The following LRRC51 variants were observed in gnomAD, a reference collection of about 807,000 sequenced individuals.
LRRC51 encodes leucine rich repeat containing 51, also known as leucine-rich repeat-containing protein 51.
Under a neutral mutation model 17.8 loss-of-function variants are expected in LRRC51, and 8 were observed. The observed-to-expected ratio is 0.45, with a 90% CI of 0.26 to 0.81. LRRC51 has a LOEUF of 0.81. Ranked by LOEUF, LRRC51 falls within the 30% of genes least tolerant of loss-of-function variation. LRRC51 has a pLI of 0.17. For missense variants in LRRC51, 233 were observed against 239.3 expected, an observed-to-expected ratio of 0.97 and a Z score of 0.17; for synonymous variants, 92 against 96.0, an observed-to-expected ratio of 0.96 and a Z score of 0.24.
chr11:72,096,526 T>G lies in LRRC51; in HGVS notation c.*1006T>G, dbSNP rs1945219329. ...GTGCTAGGATTACAGGATAAGCCAC[T>G]GCACCTGGCCAGCTCTAGTCTTATT... On this transcript the variant is annotated 3_prime_UTR_variant, in exon 6 of 6. Coordinates refer to ENST00000289488, the MANE Select transcript of LRRC51 (RefSeq NM_145309.6). The G allele has an allele frequency of 1.5e-6, 2 of 1,303,272 alleles. No homozygotes were observed. Among genetic ancestry groups the G allele is most frequent in the African/African-American group, 3.1e-5 (2 of 65,526 alleles). 80.7% of individuals were successfully genotyped at this position (1,303,272 alleles called of 1,614,324 possible). A position where few individuals can be genotyped will look rare whatever the true frequency, so the allele number is the denominator to read the frequency against.
rs1157531896 is a variant in LRRC51, at chr11:72,096,728, C to T, written c.*1208C>T. 6.5e-7 allele frequency: 1 copy of T among 1,545,828 alleles called. No individual in the cohort carries two copies. Among genetic ancestry groups the T allele is most frequent in the Non-Finnish European group, 8.7e-7 (1 of 1,143,586 alleles). On this transcript the variant is annotated 3_prime_UTR_variant, in exon 6 of 6. Coordinates refer to ENST00000289488, the MANE Select transcript of LRRC51 (RefSeq NM_145309.6). ...AATTTCCAAACTCTTCACAGAGTAC[C>T]AGGGTCTGTAGAGATGCCTCACAGG...
At chr11:72,089,493 AAGTGGAAGAAAACTGGGAAGCC>A (rs1358227271) in intron 3 of LRRC51, 2 of 1,275,144 alleles carry the variant, frequency 1.6e-6, no homozygotes, top group Non-Finnish European at 1.0e-6. Flanking sequence ...CAGGAAAGTC[AAGTGGAAGAAAACTGGGAAGCC>A]AGTCTATCAG....
At chr11:72,088,544 G>T (rs146731619) in intron 2 of LRRC51, 164 bp downstream of exon 2, 1 of 634,140 alleles carries the variant, frequency 1.6e-6, no homozygotes, top group Non-Finnish European at 2.9e-6. Context: ...CAGACTGAGA[G>T]GGGTGGTGAG....
intron 3 of LRRC51, among the ~76,000 whole-genome samples, chr11:72,092,675 G>A (rs779873281): frequency 1.8e-4 from 27 of 152,212 alleles, no homozygotes; most frequent in African/African-American, 6.0e-4. Context: ...TGTGCAGTGC[G>A]TGCAAGCACT....
At chr11:72,093,382 C>T in intron 3 of LRRC51, 114 bp from the exon 4 acceptor site, 10 of 1,028,926 alleles carry the variant, frequency 9.7e-6, no homozygotes, top group Non-Finnish European at 1.5e-5. Flanking sequence ...GGCTATGGCC[C>T]TTCCAGACCC....
At chr11:72,088,637 C>T (rs1276223677) in intron 2 of LRRC51, 2 of 562,210 alleles carry the variant, frequency 3.6e-6, no homozygotes, top group African/African-American at 3.8e-5. Flanking sequence ...GGGTGGGTAT[C>T]AAGACAGTCT....
At chr11:72,086,363 G>C (rs1944532525) in intron 1 of LRRC51, 2 of 700,946 alleles carry the variant, frequency 2.9e-6, no homozygotes, top group South Asian at 1.5e-5. Context: ...GTCAGGCACA[G>C]AGCAGCAAGC....
chr11:72,089,134 C>T lies in LRRC51; in HGVS notation c.51C>T (p.Asp17=), dbSNP rs1292057449. 6.2e-7 allele frequency: 1 copy of T among 1,614,162 alleles called. No individual in the cohort carries two copies. Among genetic ancestry groups the T allele is most frequent in the South Asian group, 1.1e-5 (1 of 91,086 alleles). The change falls in exon 3 of 6, where the codon GAC becomes GAT. Residue 17 remains aspartate, a synonymous_variant. Transcript: ENST00000289488. ...MNTSVQEPPL[D]YSFRSIHVIQ... is the part of the protein sequence containing the mutation. ...CTTCGGTACAGGAGCCCCCTCTTGACTACTCCTTCAGAAGCATCCACGTCA... is the reference window on the plus strand; with the variant it reads ...CTTCGGTACAGGAGCCCCCTCTTGATTACTCCTTCAGAAGCATCCACGTCA...
intron 2 of LRRC51, 163 bp downstream of exon 2, chr11:72,088,543 A>G (rs1405427041): frequency 7.9e-6 from 5 of 633,988 alleles, no homozygotes; most frequent in Non-Finnish European, 8.6e-6. Context: ...CCAGACTGAG[A>G]GGGGTGGTGA....
intron 5 of LRRC51, 141 bp downstream of exon 5, chr11:72,095,237 C>T: frequency 6.4e-7 from 1 of 1,567,890 alleles, no homozygotes; most frequent in Non-Finnish European, 8.6e-7. Context: ...ATTCCTTGCT[C>T]TCAGTCAGGA....
At chr11:72,083,157 G>C (rs896377455) in intron 1 of LRRC51, among the ~76,000 whole-genome samples, 2 of 152,238 alleles carry the variant, frequency 1.3e-5, no homozygotes, top group Admixed American at 1.3e-4. Flanking sequence ...GAGCCGCCAC[G>C]CCCAGCCAGC....
intron 1 of LRRC51, chr11:72,086,340 T>C (rs1368881771): frequency 5.8e-6 from 4 of 694,314 alleles, no homozygotes; most frequent in East Asian, 2.7e-5. Flanking sequence ...GTATCTTGGC[T>C]TCATTTCTTC....
chr11:72,088,468 T>C, intron 2 of LRRC51, 88 bp downstream of exon 2: 1 of 695,824 alleles, frequency 1.4e-6, no homozygotes, highest in South Asian at 1.5e-5. Context: ...GTAGGGTATT[T>C]GGATGGAAAG....
intron 3 of LRRC51, among the ~76,000 whole-genome samples, chr11:72,090,416 T>C (rs973798023): frequency 5.3e-5 from 8 of 152,090 alleles, no homozygotes; most frequent in Non-Finnish European, 1.2e-4. Context: ...AAAACGTAAA[T>C]GGTACAGATG....
intron 2 of LRRC51, 159 bp downstream of exon 2, chr11:72,088,539 T>C: frequency 1.6e-6 from 1 of 642,414 alleles, no homozygotes; most frequent in Non-Finnish European, 2.8e-6. Flanking sequence ...TGGGCCAGAC[T>C]GAGAGGGGTG....
Position 72,095,924 on chromosome 11 carries a change from C to T in LRRC51, c.*404C>T. 1 of 285,706 alleles carries T rather than the reference C, an allele frequency of 3.5e-6. No individual in the cohort carries two copies. Among genetic ancestry groups the T allele is most frequent in the Non-Finnish European group, 6.9e-6 (1 of 144,656 alleles). 17.7% of individuals were successfully genotyped at this position (285,706 alleles called of 1,614,324 possible). ...GTGGTGCGATCTCAGCTCACTGCAA[C>T]CTCCGCCTGCTGGGTTCAAGCGATT... On this transcript the variant is annotated 3_prime_UTR_variant, in exon 6 of 6. Coordinates refer to ENST00000289488, the MANE Select transcript of LRRC51 (RefSeq NM_145309.6).
In LRRC51 at chr11:72,093,607, G is replaced by C. The variant is rs978657875; in HGVS notation, c.194G>C (p.Arg65Thr). The C allele has an allele frequency of 6.2e-7, 1 of 1,614,210 alleles. No individual in the cohort carries two copies. Among genetic ancestry groups the C allele is most frequent in the African/African-American group, 1.3e-5 (1 of 75,042 alleles). Residue 65 changes from arginine (R) to threonine (T), a missense_variant, in exon 4 of 6, where the codon AGA becomes ACA. Transcript: ENST00000289488. ...WLNNNVLNDL[R>T]DFNQVASQLL... ...AATAACAATGTTCTCAATGATCTGA[G>C]AGACTTCAACCAGGTGGCTTCACAG...
chr11:72,095,282 C>G (rs893651642), intron 5 of LRRC51, 97 bp from the exon 6 acceptor site: 1 of 1,608,116 alleles, frequency 6.2e-7, no homozygotes, highest in Admixed American at 1.7e-5. Flanking sequence ...GCTCAAGTCC[C>G]TCCATTCCTT....
rs766498274 is a variant in LRRC51, at chr11:72,093,631, A to T, written c.218A>T (p.Gln73Leu). Residue 73 changes from glutamine to leucine, a missense_variant, in exon 4 of 6, where the codon CAG (glutamine) becomes CTG (leucine). Coordinates refer to ENST00000289488, the MANE Select transcript of LRRC51 (RefSeq NM_145309.6). ...DLRDFNQVASQLLEHPENLAW... is the reference protein window; with the variant it reads ...DLRDFNQVASLLLEHPENLAW... ...AGAGACTTCAACCAGGTGGCTTCAC[A>T]GCTGTTGGAGCACCCAGAGAACCTG... 1.2e-6 allele frequency: 2 copies of T among 1,614,220 alleles called. No homozygotes were observed. Among genetic ancestry groups the T allele is most frequent in the Admixed American group, 3.3e-5 (2 of 60,024 alleles).
Sources: gnomAD v4.1 joint callset for allele counts (sites outside exome capture counted in the v4.1 genomes callset) on GRCh38, gnomAD v4.1.1 for gene constraint, MANE v1.5 for transcripts, NCBI Gene and HGNC (gene_info 2026-07-23, HGNC 2026-07-21) for gene names.